TMEM17: variants seen among roughly 807,000 people sequenced by gnomAD.
TMEM17 encodes transmembrane protein 17.
TMEM17 carries 15 observed loss-of-function variants against 19.1 expected under a neutral mutation model. The ratio of observed to expected loss-of-function variants is 0.78; its 90% confidence interval spans 0.52 to 1.21. TMEM17 has a LOEUF of 1.21. TMEM17 is among the 50% of genes most tolerant of loss of function. The pLI, the probability that TMEM17 is intolerant of heterozygous loss-of-function variation, is 0.00. For missense variants in TMEM17, 245 were observed against 242.3 expected (o/e 1.01, Z -0.07); for synonymous variants, 103 against 86.9 (o/e 1.19, Z -1.03).
the TMEM17 span, among the ~76,000 whole-genome samples, chr2:62,488,345 T>C: frequency 6.6e-6 from 1 of 152,182 alleles, no homozygotes. Flanking sequence ...TTTATTAAAA[T>C]GAATGTCATA....
chr2:62,485,465 C>G, the TMEM17 span, among the ~76,000 whole-genome samples: 21 of 152,120 alleles, frequency 1.4e-4, no homozygotes, highest in Admixed American at 6.5e-5. Context: ...AAAACTTCAA[C>G]AAAAATATTC....
the TMEM17 span, among the ~76,000 whole-genome samples, chr2:62,471,501 G>A: frequency 1.3e-5 from 2 of 152,208 alleles, no homozygotes; most frequent in Admixed American, 6.5e-5. Context: ...TTCAAAGAAC[G>A]GTAGCACTTG....
At chr2:62,467,296 T>C in the TMEM17 span, among the ~76,000 whole-genome samples, 615 of 151,938 alleles carry the variant, frequency 4.0e-3, 6 homozygotes, top group African/African-American at 0.014. Flanking sequence ...GGTGGTTCTC[T>C]TGTGCAGACA....
At chr2:62,459,949 T>C in the TMEM17 span, among the ~76,000 whole-genome samples, 17 of 152,376 alleles carry the variant, frequency 1.1e-4, no homozygotes, top group African/African-American at 4.1e-4. Flanking sequence ...TAATCATTTT[T>C]GAATACTAGA....
chr2:62,454,331 C>A, the TMEM17 span, among the ~76,000 whole-genome samples: 5 of 152,328 alleles, frequency 3.3e-5, no homozygotes, highest in East Asian at 9.6e-4. Flanking sequence ...GCAGAGGCAT[C>A]AGGCATGGGG....
chr2:62,486,419 G>T, the TMEM17 span, among the ~76,000 whole-genome samples: 3 of 152,330 alleles, frequency 2.0e-5, no homozygotes, highest in East Asian at 5.8e-4. Flanking sequence ...TCTGGCATTT[G>T]CTCTGCCTCT....
chr2:62,477,052 G>A, the TMEM17 span, among the ~76,000 whole-genome samples: 4 of 152,226 alleles, frequency 2.6e-5, no homozygotes, highest in African/African-American at 9.6e-5. Flanking sequence ...GTCAACATAC[G>A]GTGTGTTATT....
chr2:62,499,524 A>C (rs1161077250), downstream of TMEM17, among the ~76,000 whole-genome samples: 1 of 152,196 alleles, frequency 6.6e-6, no homozygotes, highest in African/African-American at 2.4e-5. Flanking sequence ...CACTGCATGG[A>C]GGGAGAAATA....
chr2:62,462,462 C>G, the TMEM17 span, among the ~76,000 whole-genome samples: 2 of 152,144 alleles, frequency 1.3e-5, no homozygotes, highest in African/African-American at 2.4e-5. Flanking sequence ...GCAGGGAAGA[C>G]AGATGAGAAG....
chr2:62,491,310 T>G, the TMEM17 span: 1 of 151,944 alleles, frequency 6.6e-6, no homozygotes, highest in Admixed American at 6.6e-5. Context: ...TCGGCATCAA[T>G]ATGTTGACCT....
chr2:62,500,108 T>G (rs1201061992), downstream of TMEM17: 1 of 152,234 alleles, frequency 6.6e-6, no homozygotes, highest in African/African-American at 2.4e-5. Flanking sequence ...CCTACTACAG[T>G]GCCCACTACA....
At chr2:62,467,714 G>A in the TMEM17 span, among the ~76,000 whole-genome samples, 2 of 152,116 alleles carry the variant, frequency 1.3e-5, no homozygotes, top group African/African-American at 4.8e-5. Context: ...GAGCTGTGAT[G>A]ATTCAGGGCT....
chr2:62,504,891 C>T (rs985053804), intron 1 of TMEM17, among the ~76,000 whole-genome samples: 5 of 152,144 alleles, frequency 3.3e-5, no homozygotes, highest in African/African-American at 9.7e-5. Flanking sequence ...CAATGGCTGC[C>T]GTGGAGACCA....
the TMEM17 span, among the ~76,000 whole-genome samples, chr2:62,471,628 A>G: frequency 1.3e-5 from 2 of 152,240 alleles, no homozygotes; most frequent in Non-Finnish European, 2.9e-5. Context: ...GCAGGTGCTC[A>G]ATAAATGCAC....
At chr2:62,462,101 C>T in the TMEM17 span, among the ~76,000 whole-genome samples, 1 of 152,214 alleles carries the variant, frequency 6.6e-6, no homozygotes, top group African/African-American at 2.4e-5. Flanking sequence ...GAACAATTCT[C>T]TCCTCCATCC....
At position 62,501,038 on chromosome 2, in the gene TMEM17, T is replaced by C. The variant is rs994333775; in HGVS notation, c.*171A>G. 4 of 620,904 alleles carry C rather than the reference T, an allele frequency of 6.4e-6. No homozygotes were observed. The highest frequency in any genetic ancestry group is 3.5e-5 in the Admixed American group (1 of 28,830). The allele number at this position is 620,904 out of a possible 1,614,324, so 38.5% of individuals were successfully genotyped here. On this transcript the variant is annotated 3_prime_UTR_variant, in exon 4 of 4. Coordinates refer to ENST00000335390, the MANE Select transcript of TMEM17 (RefSeq NM_198276.3). ...CATCTAGGTTTTAGGGTTAATATAC[T>C]GTTTCATATACTGTACAAAGTTTCA...
At chr2:62,471,482 T>G in the TMEM17 span, among the ~76,000 whole-genome samples, 2 of 152,210 alleles carry the variant, frequency 1.3e-5, no homozygotes, top group African/African-American at 4.8e-5. Flanking sequence ...AACTTCTTGT[T>G]CAAAGGAGTT....
At position 62,502,479 on chromosome 2, in the gene TMEM17, G is replaced by A. The variant is rs1039457025; in HGVS notation, c.276C>T (p.Ala92=). ...TVIILITLIE[A]IRLYLGYVGN... ...CCACGTAGCCCAGATACAACCGGAT[G>A]GCTTCAATTAAGGTTATTAGGATGA... Residue 92 remains alanine (A), a synonymous_variant, in exon 3 of 4, where the codon GCC becomes GCT. Transcript: ENST00000335390. 1 of 1,613,114 alleles carries A rather than the reference G, an allele frequency of 6.2e-7. No homozygotes were observed. The highest frequency in any genetic ancestry group is 1.1e-5 in the South Asian group (1 of 91,046).
chr2:62,463,579 C>T, the TMEM17 span, among the ~76,000 whole-genome samples: 2 of 152,178 alleles, frequency 1.3e-5, no homozygotes, highest in African/African-American at 4.8e-5. Flanking sequence ...CAGATACCAC[C>T]TTAATCAAGT....
Sources: allele counts gnomAD v4.1 joint callset (sites outside exome capture counted in the v4.1 genomes callset), GRCh38; gene constraint gnomAD v4.1.1; transcripts MANE v1.5; gene names NCBI Gene and HGNC (gene_info 2026-07-23, HGNC 2026-07-21).